The following TADA3 variants were observed in gnomAD, a reference collection of about 807,000 sequenced individuals.
TADA3 encodes the protein transcriptional adaptor 3.
TADA3 carries 25 observed loss-of-function variants against 43.2 expected under a neutral mutation model. The observed-to-expected ratio is 0.58, with a 90% confidence interval of 0.42 to 0.81. The LOEUF (loss-of-function observed/expected upper bound fraction) is 0.81. TADA3 is among the 30% of genes least tolerant of loss of function. TADA3 has a pLI of 0.00. For missense variants in TADA3, 441 were observed against 567.8 expected (o/e 0.78, Z 2.27); for synonymous variants, 235 against 225.5 (o/e 1.04, Z -0.38).
At chr3:9,781,228 T>C (rs766146565) in intron 8 of TADA3, among the ~76,000 whole-genome samples, 4 of 151,992 alleles carry the variant, frequency 2.6e-5, no homozygotes, top group Admixed American at 2.0e-4. Context: ...GGAAGATCAC[T>C]TGAAGCCAGG....
upstream of TADA3, chr3:9,792,696 G>T: frequency 8.1e-7 from 1 of 1,233,706 alleles, no homozygotes; most frequent in Non-Finnish European, 1.0e-6. Context: ...CCGAGCGCCA[G>T]GAGCTGCGGG....
rs769793783 is a variant in TADA3 at position 9,787,765 on chromosome 3, G to A, written c.565-425C>T. The A allele has an allele frequency of 8.1e-6, 10 of 1,234,088 alleles. No homozygotes were observed. The South Asian group carries it at 1.1e-4, about 14-fold the overall frequency. The allele number at this position is 1,234,088 out of a possible 1,614,324, so 76.4% of individuals were successfully genotyped here. A position where few individuals can be genotyped will look rare whatever the true frequency, so the allele number is the denominator to read the frequency against. ...GAAATCAGATAAGTGAAGTGAAAGA[G>A]AGAGATCAAAGTGTTGTGGCAGCAC... On this transcript the variant is annotated intron_variant, in intron 4 of 8. Transcript: ENST00000301964.
chr3:9,787,759 G>C (rs781127506), intron 4 of TADA3: 4 of 1,240,000 alleles, frequency 3.2e-6, no homozygotes, highest in Non-Finnish European at 4.2e-6. Context: ...TAAGTGAAGT[G>C]AAAGAGAGAG....
intron 6 of TADA3, among the ~76,000 whole-genome samples, chr3:9,786,509 CCT>C (rs1419664767): frequency 9.2e-5 from 14 of 152,030 alleles, no homozygotes; most frequent in Non-Finnish European, 1.3e-4. Context: ...AGACAGGGCC[CCT>C]GAAGCTAGGG....
intron 4 of TADA3, among the ~76,000 whole-genome samples, chr3:9,788,935 A>G (rs577746652): frequency 6.6e-5 from 10 of 151,310 alleles, no homozygotes; most frequent in Admixed American, 5.3e-4. Context: ...TCCCGGGTCC[A>G]AGAGATCCTC....
chr3:9,787,483 CAACG>C lies in TADA3; in HGVS notation c.565-147_565-144del, dbSNP rs2078643094. On this transcript the variant is annotated intron_variant, in intron 4 of 8. Coordinates refer to ENST00000301964, the MANE Select transcript of TADA3 (RefSeq NM_006354.5). Reference sequence around the variant, plus strand: ...AGTGTCAGGTGTAGGTAAGAAAGTACAACGAAGATAAAACCTGTACTTCACACTC... The same window carrying C: ...AGTGTCAGGTGTAGGTAAGAAAGTACAAGATAAAACCTGTACTTCACACTC... 2.4e-6 allele frequency: 3 copies of C among 1,257,858 alleles called. No homozygotes were observed. In the Admixed American group the frequency reaches 8.6e-5, roughly 36 times the overall value. 77.9% of individuals were successfully genotyped at this position (1,257,858 alleles called of 1,614,324 possible). A position where few individuals can be genotyped will look rare whatever the true frequency, so the allele number is the denominator to read the frequency against.
At chr3:9,791,075 G>A (rs1376816302) in intron 2 of TADA3, among the ~76,000 whole-genome samples, 185 bp downstream of exon 2, 1 of 152,186 alleles carries the variant, frequency 6.6e-6, no homozygotes, top group African/African-American at 2.4e-5. Context: ...TAGAAATCTT[G>A]CAATTTAAGA....
At position 9,791,283 on chromosome 3, in the gene TADA3, G is replaced by A. The variant is rs980537171; in HGVS notation, c.184C>T (p.Arg62Cys). Residue 62 changes from arginine to cysteine, a missense_variant, in exon 2 of 9, where the codon CGT becomes TGT. Transcript: ENST00000301964. ...TLLSSASRRL[R>C]VLEAETQILT... ...ACCTGGGTTTCGGCCTCAAGCACAC[G>A]CAGGCGCCGGCTGGCAGAAGACAGC... 1 of 1,613,018 alleles carries A rather than the reference G, an allele frequency of 6.2e-7. No homozygotes were observed. Among genetic ancestry groups the A allele is most frequent in the Non-Finnish European group, 8.5e-7 (1 of 1,179,986 alleles).
At chr3:9,786,068 A>T (rs2078601786) in intron 6 of TADA3, among the ~76,000 whole-genome samples, 1 of 151,778 alleles carries the variant, frequency 6.6e-6, no homozygotes, top group Non-Finnish European at 1.5e-5. Flanking sequence ...CCTCCCAAGT[A>T]GTTGGGACTA....
intron 7 of TADA3, 84 bp from the exon 8 acceptor site, chr3:9,784,297 C>A: frequency 6.7e-7 from 1 of 1,492,284 alleles, no homozygotes; most frequent in South Asian, 1.3e-5. Context: ...TTCCCAAGGT[C>A]AGTGAAAACC....
upstream of TADA3, chr3:9,792,644 C>A: frequency 1.6e-6 from 2 of 1,230,184 alleles, no homozygotes; most frequent in East Asian, 6.3e-5. Context: ...GGGCGGGAGG[C>A]GGAGCTTGGC....
chr3:9,787,636 C>T (rs1359796125), intron 4 of TADA3: 13 of 1,339,514 alleles, frequency 9.7e-6, no homozygotes, highest in East Asian at 3.5e-5. Context: ...AATTGCCTCT[C>T]GAGAGAATTA....
intron 8 of TADA3, among the ~76,000 whole-genome samples, chr3:9,782,454 C>T (rs1049796840): frequency 1.6e-4 from 25 of 152,226 alleles, no homozygotes; most frequent in Admixed American, 8.5e-4. Flanking sequence ...CCCTGACACA[C>T]AGTAGGCCCT....
rs1350973637 is a variant in TADA3 at position 9,791,325 on chromosome 3, G to A, written c.142C>T (p.Leu48=). 3.7e-6 allele frequency: 6 copies of A among 1,614,126 alleles called. No homozygotes were observed. Among genetic ancestry groups the A allele is most frequent in the Non-Finnish European group, 5.1e-6 (6 of 1,180,042 alleles). The part of the protein sequence containing the change: ...IGIEELDTLQ[L]ELETLLSSAS... ...GAAGACAGCAGGGTCTCCAGCTCCA[G>A]CTGCAGGGTGTCCAGCTCCTCGATG... The change falls in exon 2 of 9, where the codon CTG becomes TTG. Residue 48 remains leucine (L), a synonymous_variant. Transcript: ENST00000301964.
At chr3:9,791,189 C>T (rs750439790) in intron 2 of TADA3, 71 bp downstream of exon 2, 67 of 1,481,978 alleles carry the variant, frequency 4.5e-5, no homozygotes, top group Admixed American at 7.6e-5. Context: ...GCATATGGGG[C>T]TAACTCAATG....
At chr3:9,780,851 A>G (rs2078443946) in intron 8 of TADA3, among the ~76,000 whole-genome samples, 1 of 152,178 alleles carries the variant, frequency 6.6e-6, no homozygotes, top group Non-Finnish European at 1.5e-5. Flanking sequence ...AGAAGAATAA[A>G]GTCTTGGCTG....
chr3:9,792,949 G>A, upstream of TADA3: 1 of 1,413,202 alleles, frequency 7.1e-7, no homozygotes, highest in Non-Finnish European at 9.2e-7. Flanking sequence ...GCCCTAGGTG[G>A]AAAACTTCCG....
intron 4 of TADA3, among the ~76,000 whole-genome samples, chr3:9,788,527 G>C (rs1056958804): frequency 3.4e-5 from 5 of 146,822 alleles, no homozygotes; most frequent in Non-Finnish European, 7.5e-5. Flanking sequence ...TTACAGGCTT[G>C]AGCCACCGCA....
Position 9,790,464 on chromosome 3 carries a change from T to G in TADA3, c.208-501A>C, listed in dbSNP as rs1013430877. Among the ~76,000 whole-genome samples, 4 of 152,208 alleles carry G rather than the reference T, an allele frequency of 2.6e-5. No homozygotes were observed. The East Asian group carries it at 7.7e-4, about 29-fold the overall frequency. On this transcript the variant is annotated intron_variant, in intron 2 of 8. Transcript: ENST00000301964. Reference sequence around the variant, plus strand: ...TCTCTGGCACTTCACAGCTCCAACGTGCACCCAATCGTGTTGTTTGGTCAC... The same window carrying G: ...TCTCTGGCACTTCACAGCTCCAACGGGCACCCAATCGTGTTGTTTGGTCAC...
Sources: gnomAD v4.1 joint callset for allele counts (sites outside exome capture counted in the v4.1 genomes callset) on GRCh38, gnomAD v4.1.1 for gene constraint, MANE v1.5 for transcripts, NCBI Gene and HGNC (gene_info 2026-07-23, HGNC 2026-07-21) for gene names.